BMS1: variants seen among roughly 807,000 people sequenced by gnomAD.
The protein encoded by BMS1 is ribosome biogenesis protein BMS1 homolog.
BMS1 carries 53 observed loss-of-function variants against 138.7 expected under a neutral mutation model. That is an observed-to-expected ratio of 0.38 (90% confidence interval 0.31 to 0.48). BMS1 has a LOEUF of 0.48. Among genes scored for constraint, BMS1 ranks in the 20% least tolerant of loss-of-function variants. The pLI is 0.97. For synonymous variants in BMS1, 504 were observed against 539.9 expected, an observed-to-expected ratio of 0.93 and a Z score of 0.92; for missense variants, 1,360 against 1,565.5, an observed-to-expected ratio of 0.87 and a Z score of 2.22.
intron 9 of BMS1, among the ~76,000 whole-genome samples, chr10:42,795,560 A>G (rs1364400918): frequency 6.6e-6 from 1 of 151,398 alleles, no homozygotes; most frequent in African/African-American, 2.4e-5. Flanking sequence ...GGCTCAAGCA[A>G]TCCTCCTGCC....
chr10:42,790,593 C>A, intron 5 of BMS1, 82 bp downstream of exon 5: 1 of 1,426,250 alleles, frequency 7.0e-7, no homozygotes, highest in South Asian at 1.3e-5. Context: ...GTGGCTAACA[C>A]CTGTAATCCC....
At position 42,831,657 on chromosome 10, in the gene BMS1, G is replaced by A. The variant is rs1842801392; in HGVS notation, c.*561G>A. The stretch of plus-strand genomic sequence containing the variant: ...TGGGCTCCTTTGATCACTGGCCCTT[G>A]TGGACATTTTCTATCTTATTTCATA... On this transcript the variant is annotated 3_prime_UTR_variant, in exon 23 of 23. Transcript: ENST00000374518. 1 of 154,260 alleles carries A rather than the reference G, an allele frequency of 6.5e-6. No individual in the cohort carries two copies. Among genetic ancestry groups the A allele is most frequent in the Admixed American group, 6.4e-5 (1 of 15,732 alleles). The allele number at this position is 154,260 out of a possible 1,614,324, so 9.6% of individuals were successfully genotyped here. A position where few individuals can be genotyped will look rare whatever the true frequency, so the allele number is the denominator to read the frequency against.
chr10:42,803,195 A>G (rs1265089040), intron 13 of BMS1, among the ~76,000 whole-genome samples: 3 of 152,118 alleles, frequency 2.0e-5, no homozygotes, highest in Admixed American at 6.5e-5. Context: ...TTGTACAGAC[A>G]GTCTTTTTAT....
intron 13 of BMS1, among the ~76,000 whole-genome samples, chr10:42,813,862 T>C (rs191650031): frequency 6.6e-6 from 1 of 152,352 alleles, no homozygotes; most frequent in East Asian, 1.9e-4. Context: ...TCTCTCTTCA[T>C]TTCTGAAGGG....
intron 2 of BMS1, 109 bp from the exon 3 acceptor site, chr10:42,785,373 C>T (rs930699257): frequency 7.0e-6 from 6 of 860,286 alleles, no homozygotes; most frequent in East Asian, 5.4e-5. Flanking sequence ...TGCTAAAGTA[C>T]TCATAGCTAT....
chr10:42,811,049 AT>A (rs34512002), intron 13 of BMS1, among the ~76,000 whole-genome samples: 70,860 of 149,674 alleles, frequency 0.47, 17,311 homozygotes, highest in East Asian at 0.63. Context: ...TATTATTATT[AT>A]TTTTTTTTTG....
rs1457713813 is a variant in BMS1 at position 42,820,296 on chromosome 10, C to T, written c.2641C>T (p.Arg881Ter). The change falls in exon 16 of 23, where the codon CGA becomes TGA. Residue 881 changes from arginine (R) to a stop codon, truncating the protein, a stop_gained. Transcript: ENST00000374518. LOFTEE classifies it high-confidence loss of function. ...DEARVQYEGF[R>*]PGMYVRIEIE... ...AGCCAGAGTTCAGTATGAGGGTTTT[C>T]GACCTGGGATGTACGTCCGCATTGA... 1.9e-6 allele frequency: 3 copies of T among 1,613,566 alleles called. No homozygotes were observed. The highest frequency in any genetic ancestry group is 2.5e-6 in the Non-Finnish European group (3 of 1,179,848).
rs756553792 is a variant in BMS1, at chr10:42,798,593, G to C, written c.2215G>C (p.Val739Leu). 5 of 1,614,244 alleles carry C rather than the reference G, an allele frequency of 3.1e-6. No individual in the cohort carries two copies. The highest frequency in any genetic ancestry group is 1.3e-5 in the African/African-American group (1 of 75,062). ...ADSLDCSRFL[V>L]EAPHDWDLEE... ...CTCTTTGGACTGCTCCAGATTTCTT[G>C]TGGAGGCCCCCCATGACTGGGATTT... is the stretch of plus-strand genomic sequence containing the variant. The change falls in exon 12 of 23, where the codon GTG becomes CTG. Residue 739 changes from valine (V) to leucine (L), a missense_variant. Physicochemically the swap from Val to Leu is conservative, Grantham distance 32. Transcript: ENST00000374518.
intron 13 of BMS1, 90 bp from the exon 14 acceptor site, chr10:42,816,509 C>T (rs542830918): frequency 9.7e-6 from 10 of 1,027,700 alleles, no homozygotes; most frequent in African/African-American, 8.0e-5. Context: ...AGGCTTGGAA[C>T]GCAGAGCACA....
chr10:42,804,874 C>T (rs113054769), intron 13 of BMS1, among the ~76,000 whole-genome samples: 9,754 of 152,002 alleles, frequency 0.064, 455 homozygotes, highest in Non-Finnish European at 0.092. Context: ...CCCGCCACCA[C>T]GCCTGCCTAA....
intron 13 of BMS1, 78 bp from the exon 14 acceptor site, chr10:42,816,521 T>C: frequency 8.3e-7 from 1 of 1,197,718 alleles, no homozygotes; most frequent in South Asian, 1.4e-5. Flanking sequence ...CAGAGCACAC[T>C]GTGGGCCTGT....
At chr10:42,797,742 G>A (rs1328410582) in intron 11 of BMS1, among the ~76,000 whole-genome samples, 6 of 152,146 alleles carry the variant, frequency 3.9e-5, no homozygotes, top group African/African-American at 4.8e-5. Flanking sequence ...TGCAAATACC[G>A]TCCATTGCAT....
At position 42,791,750 on chromosome 10, in the gene BMS1, C is replaced by G. The variant is rs150099628; in HGVS notation, c.760C>G (p.Pro254Ala). Residue 254 changes from proline to alanine, a missense_variant, in exon 6 of 23, where the codon CCT becomes GCT. Physicochemically the swap from Pro to Ala is conservative, Grantham distance 27. This residue lies in a region of BMS1 where 697 missense variants were observed against 686.2 expected (regional missense o/e 1.02). Transcript: ENST00000374518. ...GCCTCTCACATGGCAAACTTCTCACCCTTATATCCTGGCAGACAGGTAAAA... is the reference window on the plus strand; with the variant it reads ...GCCTCTCACATGGCAAACTTCTCACGCTTATATCCTGGCAGACAGGTAAAA... ...FRPLTWQTSHPYILADRMEDL... is the reference protein window; with the variant it reads ...FRPLTWQTSHAYILADRMEDL... 1.0e-5 allele frequency: 16 copies of G among 1,606,268 alleles called. No individual in the cohort carries two copies. The highest frequency in any genetic ancestry group is 1.1e-5 in the South Asian group (1 of 89,150).
chr10:42,822,987 A>T, intron 19 of BMS1, 131 bp from the exon 20 acceptor site: 1 of 953,830 alleles, frequency 1.0e-6, no homozygotes, highest in Non-Finnish European at 1.5e-6. Context: ...GGGCGAATAC[A>T]TTTTGTTTAT....
intron 13 of BMS1, among the ~76,000 whole-genome samples, chr10:42,816,360 G>A (rs751979687): frequency 2.6e-5 from 4 of 152,134 alleles, no homozygotes; most frequent in Non-Finnish European, 5.9e-5. Context: ...TTGAGATTGG[G>A]ATTTTGATGT....
At position 42,784,556 on chromosome 10, in the gene BMS1, T is replaced by A; in HGVS notation, c.162T>A (p.Ala54=). ...AFAVQSAVRM[A]RSFHRTQDLK... is the part of the protein sequence containing the mutation. ...CAGTTCAGTCTGCTGTGCGGATGGC[T>A]CGATCCTTTCACAGGTATGTTAGGC... The change falls in exon 2 of 23, where the codon GCT becomes GCA. Residue 54 remains alanine (A), a synonymous_variant. Transcript: ENST00000374518. 3 of 1,612,278 alleles carry A rather than the reference T, an allele frequency of 1.9e-6. No homozygotes were observed. Among genetic ancestry groups the A allele is most frequent in the Non-Finnish European group, 2.5e-6 (3 of 1,179,344 alleles).
At chr10:42,817,231 T>C in intron 14 of BMS1, 87 bp from the exon 15 acceptor site, 1 of 1,062,170 alleles carries the variant, frequency 9.4e-7, no homozygotes, top group South Asian at 1.5e-5. Flanking sequence ...GCTAAGATTC[T>C]TGTTTAAATA....
chr10:42,785,680 A>T lies in BMS1; in HGVS notation c.367+8A>T. The T allele has an allele frequency of 6.2e-7, 1 of 1,612,014 alleles. No individual in the cohort carries two copies. The highest frequency in any genetic ancestry group is 8.5e-7 in the Non-Finnish European group (1 of 1,178,350). ...CTGTGACGATTGTGTCAGGTAGGAG[A>T]TGCCACCACAGACACAGAGTTGGCG... On this transcript the variant is annotated splice_region_variant and intron_variant, in intron 3 of 22. Transcript: ENST00000374518.
intron 19 of BMS1, among the ~76,000 whole-genome samples, chr10:42,822,865 G>A (rs1357633809): frequency 6.6e-6 from 1 of 152,168 alleles, no homozygotes; most frequent in Admixed American, 6.6e-5. Context: ...ATCCCTCTTC[G>A]ATCTTCTCTT....
Sources: allele counts gnomAD v4.1 joint callset (sites outside exome capture counted in the v4.1 genomes callset), GRCh38; gene constraint gnomAD v4.1.1; regional missense constraint gnomAD v4.1.1; transcripts MANE v1.5; gene names NCBI Gene and HGNC (gene_info 2026-07-23, HGNC 2026-07-21).